COL5A1: variants seen among roughly 807,000 people sequenced by gnomAD.
The protein encoded by COL5A1 is collagen type V alpha 1 chain, also known as collagen alpha-1(V) chain.
COL5A1 carries 16 observed loss-of-function variants against 263.7 expected under a neutral mutation model. That is an observed-to-expected ratio of 0.06 (90% CI 0.04 to 0.09). The LOEUF (loss-of-function observed/expected upper bound fraction) is 0.09. Ranked by LOEUF, COL5A1 falls within the 10% of genes least tolerant of loss-of-function variation. COL5A1 has a pLI of 1.00. For missense variants in COL5A1, 2,036 were observed against 2,540.5 expected (o/e 0.80, Z 4.27); for synonymous variants, 1,012 against 1,004.5 (o/e 1.01, Z -0.14).
In COL5A1 at chr9:134,669,270, C is replaced by CCCTTCCCTTA. The variant is rs1564376414; in HGVS notation, c.110-21633_110-21632insACCTTCCCTT. 1.3e-4 allele frequency among the ~76,000 whole-genome samples: 14 copies of CCCTTCCCTTA among 106,226 alleles called. No individual in the cohort carries two copies. The East Asian group carries it at 3.9e-3, about 29-fold the overall frequency. The allele number at this position is 106,226 out of a possible 152,430, so 69.7% of individuals were successfully genotyped here. A position where few individuals can be genotyped will look rare whatever the true frequency, so the allele number is the denominator to read the frequency against. Reference sequence around the variant, plus strand: ...CCCTTCCCTTCCCTTCCCTTCCCTTCCCTTCCCTTCCCTTCCCTTCCCTCC... The same window carrying CCCTTCCCTTA: ...CCCTTCCCTTCCCTTCCCTTCCCTTCCCTTCCCTTACCTTCCCTTCCCTTCCCTTCCCTCC... On this transcript the variant is annotated intron_variant, in intron 1 of 65. Transcript: ENST00000371817.
chr9:134,799,606 C>G (rs1435485130), intron 37 of COL5A1, among the ~76,000 whole-genome samples: 1 of 152,126 alleles, frequency 6.6e-6, no homozygotes, highest in Non-Finnish European at 1.5e-5. Context: ...CTCTGAGTGC[C>G]CTGTTGAATA....
intron 1 of COL5A1, among the ~76,000 whole-genome samples, chr9:134,645,351 G>A (rs1312578484): frequency 1.3e-5 from 2 of 152,124 alleles, no homozygotes; most frequent in Non-Finnish European, 2.9e-5. Flanking sequence ...CTCCTCCCTG[G>A]ACCGCCCCAT....
At chr9:134,805,858 T>C (rs1209771321) in intron 41 of COL5A1, among the ~76,000 whole-genome samples, 3 of 150,014 alleles carry the variant, frequency 2.0e-5, no homozygotes, top group Admixed American at 1.3e-4. Context: ...CTCACAGACA[T>C]GTGGGCCCTG....
In COL5A1 at chr9:134,699,926, G is replaced by T. The variant is rs774095835; in HGVS notation, c.295G>T (p.Asp99Tyr). ...QLYPASAFPE[D>Y]FSILTTVKAK... is the part of the protein sequence containing the mutation. Reference sequence around the variant, plus strand: ...TGTTCCAGCGTCTGCATTTCCCGAGGACTTCTCCATCCTAACAACTGTGAA... The same window carrying T: ...TGTTCCAGCGTCTGCATTTCCCGAGTACTTCTCCATCCTAACAACTGTGAA... The change falls in exon 3 of 66, where the codon GAC (aspartate) becomes TAC (tyrosine). Residue 99 changes from aspartate (D) to tyrosine (Y), a missense_variant. Physicochemically the swap from Asp to Tyr is radical, Grantham distance 160. This residue lies in a region of COL5A1 where 600 missense variants were observed against 634.5 expected (regional missense o/e 0.95). Coordinates refer to ENST00000371817, the MANE Select transcript of COL5A1 (RefSeq NM_000093.5). 35 of 1,614,002 alleles carry T rather than the reference G, an allele frequency of 2.2e-5. No homozygotes were observed. Among genetic ancestry groups the T allele is most frequent in the Non-Finnish European group, 2.5e-5 (29 of 1,180,032 alleles).
At chr9:134,785,864 G>C in intron 30 of COL5A1, 131 bp from the exon 31 acceptor site, 4 of 803,490 alleles carry the variant, frequency 5.0e-6, no homozygotes, top group South Asian at 4.4e-5. Flanking sequence ...GCATAATGAC[G>C]TGTGCCCCCG....
In COL5A1 at chr9:134,842,496, C is replaced by A. The variant is rs1305868346; in HGVS notation, c.*193C>A. On this transcript the variant is annotated 3_prime_UTR_variant, in exon 66 of 66. Transcript: ENST00000371817. The surrounding 1 kb of genome is among the most constrained non-coding windows in gnomAD (Gnocchi z 5.8). ...GAGAACAGAGGGAAGGAGCCGCGCC[C>A]CCACCTGGAGCTGAATCACATGACC... 5 of 679,178 alleles carry A rather than the reference C, an allele frequency of 7.4e-6. No homozygotes were observed. The East Asian group carries it at 1.4e-4, about 19-fold the overall frequency. The allele number at this position is 679,178 out of a possible 1,614,324, so 42.1% of individuals were successfully genotyped here. A position where few individuals can be genotyped will look rare whatever the true frequency, so the allele number is the denominator to read the frequency against.
intron 64 of COL5A1, among the ~76,000 whole-genome samples, chr9:134,834,025 G>A (rs1588614297): frequency 6.6e-6 from 1 of 152,310 alleles, no homozygotes; most frequent in East Asian, 1.9e-4. Context: ...CCTCCTGCCA[G>A]GTGGGGAGTG....
At chr9:134,760,264 GAT>G (rs1337816454) in intron 18 of COL5A1, among the ~76,000 whole-genome samples, 3 of 43,130 alleles carry the variant, frequency 7.0e-5, no homozygotes, top group Non-Finnish European at 1.1e-4. Flanking sequence ...ACCCCACACT[GAT>G]ACACACATGC....
In COL5A1 at chr9:134,681,967, C is replaced by G. The variant is rs1832872653; in HGVS notation, c.110-8945C>G. On this transcript the variant is annotated intron_variant, in intron 1 of 65. Coordinates refer to ENST00000371817, the MANE Select transcript of COL5A1 (RefSeq NM_000093.5). This position sits in a 1 kb window ranked among gnomAD's most constrained non-coding sequence, Gnocchi z 4.3. ...TCTCCCCATCTCTCCCTCCCTCTCT[C>G]TCTCTCTTGCTCTCTGTCTGTCCCC... Among the ~76,000 whole-genome samples the G allele has an allele frequency of 1.3e-5, 2 of 152,160 alleles. No individual in the cohort carries two copies. Among genetic ancestry groups the G allele is most frequent in the Admixed American group, 6.5e-5 (1 of 15,278 alleles).
At chr9:134,679,788 G>A (rs984635940) in intron 1 of COL5A1, among the ~76,000 whole-genome samples, 7 of 151,930 alleles carry the variant, frequency 4.6e-5, no homozygotes, top group Non-Finnish European at 7.4e-5. Flanking sequence ...GAGGTGCCCC[G>A]GTGCTCTCCG....
chr9:134,817,741 CCA>C, intron 53 of COL5A1, 35 bp from the exon 54 acceptor site: 6 of 1,602,368 alleles, frequency 3.7e-6, no homozygotes, highest in Non-Finnish European at 5.1e-6. Context: ...CCCCTGCAGG[CCA>C]CACTCACCAC....
intron 64 of COL5A1, 112 bp downstream of exon 64, chr9:134,830,156 C>T (rs1839545879): frequency 6.2e-7 from 1 of 1,611,336 alleles, no homozygotes; most frequent in African/African-American, 1.3e-5. Flanking sequence ...CTGGTATAGT[C>T]AGTACAAGCG....
Position 134,647,032 on chromosome 9 carries a change from C to G in COL5A1, c.109+4736C>G, listed in dbSNP as rs543834283. Among the ~76,000 whole-genome samples, 1 of 152,178 alleles carries G rather than the reference C, an allele frequency of 6.6e-6. No homozygotes were observed. The highest frequency in any genetic ancestry group is 1.5e-5 in the Non-Finnish European group (1 of 68,028). On this transcript the variant is annotated intron_variant, in intron 1 of 65. Transcript: ENST00000371817. The surrounding 1 kb of genome is among the most constrained non-coding windows in gnomAD (Gnocchi z 5.0). Reference sequence around the variant, plus strand: ...CTTTGCAGGCTGCCTGACCTGTACTCGGCACTGGCTGTGTGGGGACGTTAC... The same window carrying G: ...CTTTGCAGGCTGCCTGACCTGTACTGGGCACTGGCTGTGTGGGGACGTTAC...
intron 64 of COL5A1, chr9:134,830,380 G>C: frequency 1.6e-6 from 1 of 617,978 alleles, no homozygotes; most frequent in Non-Finnish European, 2.8e-6. Context: ...TTTCTGCCTG[G>C]AGTAGGCAGA....
chr9:134,718,248 G>A (rs1335746675), intron 4 of COL5A1, among the ~76,000 whole-genome samples: 2 of 152,322 alleles, frequency 1.3e-5, no homozygotes, highest in African/African-American at 2.4e-5. Flanking sequence ...CCCATCTTCC[G>A]TCGAACGTGG....
At chr9:134,790,389 C>T (rs368571795) in intron 32 of COL5A1, among the ~76,000 whole-genome samples, 970 of 90,180 alleles carry the variant, frequency 0.011, 11 homozygotes, top group Non-Finnish European at 0.017. Flanking sequence ...CATCCACCCA[C>T]CCACCCACCC....
chr9:134,789,716 C>G lies in COL5A1; in HGVS notation c.2700+508C>G, dbSNP rs1232494710. Among the ~76,000 whole-genome samples, 12 of 152,198 alleles carry G rather than the reference C, an allele frequency of 7.9e-5. No individual in the cohort carries two copies. In the East Asian group the frequency reaches 2.3e-3, roughly 29 times the overall value. ...CAGCTTGCAGTGTGGTTTGAGTCCC[C>G]TTTGTCCTCACCCTCAGCGAAGGAA... is the stretch of plus-strand genomic sequence containing the variant. On this transcript the variant is annotated intron_variant, in intron 32 of 65. Coordinates refer to ENST00000371817, the MANE Select transcript of COL5A1 (RefSeq NM_000093.5). This position sits in a 1 kb window ranked among gnomAD's most constrained non-coding sequence, Gnocchi z 4.8.
intron 4 of COL5A1, among the ~76,000 whole-genome samples, chr9:134,703,929 G>A (rs1280794194): frequency 1.1e-4 from 16 of 152,188 alleles, no homozygotes; most frequent in South Asian, 6.2e-4. Context: ...GTGAGCCACC[G>A]CGCCCGGCCT....
At chr9:134,668,578 CTA>C (rs1345141087) in intron 1 of COL5A1, among the ~76,000 whole-genome samples, 18 of 94,638 alleles carry the variant, frequency 1.9e-4, no homozygotes, top group African/African-American at 9.3e-4. Flanking sequence ...ATCCATCCAT[CTA>C]TCTACTTGTC....
Sources: allele counts gnomAD v4.1 joint callset (sites outside exome capture counted in the v4.1 genomes callset), GRCh38; gene constraint gnomAD v4.1.1; regional missense constraint gnomAD v4.1.1; non-coding constraint Gnocchi (gnomAD v3.1); transcripts MANE v1.5; gene names NCBI Gene and HGNC (gene_info 2026-07-23, HGNC 2026-07-21).